The following DPP9 variants were observed in gnomAD, a reference collection of about 807,000 sequenced individuals.
The protein encoded by DPP9 is dipeptidyl peptidase 9, also known as dipeptidyl peptidase IV-related protein-2.
Under a neutral mutation model 110.7 loss-of-function variants are expected in DPP9, and 50 were observed. The observed-to-expected ratio is 0.45, with a 90% CI of 0.36 to 0.57. The LOEUF (loss-of-function observed/expected upper bound fraction) is 0.57. Ranked by LOEUF, DPP9 falls within the 20% of genes least tolerant of loss-of-function variation. The probability of loss-of-function intolerance (pLI) is 0.00; values close to 1 mark genes in which losing one functional copy is unlikely to be tolerated. For missense variants in DPP9, 1,022 were observed against 1,217.9 expected (o/e 0.84, Z 2.39); for synonymous variants, 561 against 514.4 (o/e 1.09, Z -1.23).
At chr19:4,720,054 C>T (rs1175144519) in intron 2 of DPP9, 113 bp from the exon 3 acceptor site, 29 of 878,074 alleles carry the variant, frequency 3.3e-5, no homozygotes, top group South Asian at 2.5e-4. Context: ...CCCAAGCCTC[C>T]GGGGAGCACC....
At position 4,688,852 on chromosome 19, in the gene DPP9, G is replaced by C. The variant is rs747775957; in HGVS notation, c.1790C>G (p.Thr597Arg). 6.6e-7 allele frequency: 1 copy of C among 1,516,870 alleles called. No individual in the cohort carries two copies. The highest frequency in any genetic ancestry group is 8.7e-7 in the Non-Finnish European group (1 of 1,146,300). 94.0% of individuals were successfully genotyped at this position (1,516,870 alleles called of 1,614,324 possible). A position where few individuals can be genotyped will look rare whatever the true frequency, so the allele number is the denominator to read the frequency against. Reference sequence around the variant, plus strand: ...CTTGTAGACGTGCACGCAGGGCGGCGTGCTCACGCTGCTGTAGTGGCTGAC... The same window carrying C: ...CTTGTAGACGTGCACGCAGGGCGGCCTGCTCACGCTGCTGTAGTGGCTGAC... ...MFVSHYSSVS[T>R]PPCVHVYKLS... The change falls in exon 16 of 22, where the codon ACG (threonine) becomes AGG (arginine). Residue 597 changes from threonine (T) to arginine (R), a missense_variant. By Grantham distance (71) the Thr-to-Arg change is moderately conservative. Coordinates refer to ENST00000262960, the MANE Select transcript of DPP9 (RefSeq NM_139159.5).
At chr19:4,716,936 G>A (rs569317578) in intron 3 of DPP9, among the ~76,000 whole-genome samples, 2 of 152,262 alleles carry the variant, frequency 1.3e-5, no homozygotes, top group African/African-American at 4.8e-5. Flanking sequence ...CCCGTGTCCT[G>A]TGGGAAGGTC....
chr19:4,689,790 C>A lies in DPP9; in HGVS notation c.1597-68G>T. On this transcript the variant is annotated intron_variant, in intron 14 of 21. Coordinates refer to ENST00000262960, the MANE Select transcript of DPP9 (RefSeq NM_139159.5). This position sits in a 1 kb window ranked among gnomAD's most constrained non-coding sequence, Gnocchi z 7.0. ...CCTGGGCCCACACCCCTCTCCACGC[C>A]CCACAGGAGTGGGCCCCATGTTCCT... 6.8e-7 allele frequency: 1 copy of A among 1,460,776 alleles called. No individual in the cohort carries two copies. The highest frequency in any genetic ancestry group is 9.1e-7 in the Non-Finnish European group (1 of 1,093,044). The allele number at this position is 1,460,776 out of a possible 1,614,324, so 90.5% of individuals were successfully genotyped here. A position where few individuals can be genotyped will look rare whatever the true frequency, so the allele number is the denominator to read the frequency against.
intron 14 of DPP9, 68 bp downstream of exon 14, chr19:4,690,810 T>C (rs2091251833): frequency 8.3e-7 from 1 of 1,208,624 alleles, no homozygotes; most frequent in Non-Finnish European, 1.2e-6. Flanking sequence ...CGTGCGTGTG[T>C]GTGTGAGTGT....
chr19:4,683,614 C>G lies in DPP9; in HGVS notation c.2194G>C (p.Glu732Gln). The change falls in exon 19 of 22, where the codon GAG becomes CAG. Residue 732 changes from glutamate (E) to glutamine (Q), a missense_variant. Glu to Gln is a conservative substitution (Grantham distance 29, BLOSUM62 2). Transcript: ENST00000262960. ...LKNQMGQVEIEDQVEGLQFVA... is the reference protein window; with the variant it reads ...LKNQMGQVEIQDQVEGLQFVA... Reference sequence around the variant, plus strand: ...AACTGCAGGCCCTCCACCTGGTCCTCGATCTCCACCTGGCCCTGAGGGATG... The same window carrying G: ...AACTGCAGGCCCTCCACCTGGTCCTGGATCTCCACCTGGCCCTGAGGGATG... 6.2e-7 allele frequency: 1 copy of G among 1,611,674 alleles called. No individual in the cohort carries two copies. Among genetic ancestry groups the G allele is most frequent in the Non-Finnish European group, 8.5e-7 (1 of 1,179,178 alleles).
intron 13 of DPP9, among the ~76,000 whole-genome samples, chr19:4,692,365 C>A (rs1011416474): frequency 6.6e-6 from 1 of 152,100 alleles, no homozygotes; most frequent in African/African-American, 2.4e-5. Flanking sequence ...GTCAGGAGCA[C>A]GGGAGGGCAG....
intron 14 of DPP9, among the ~76,000 whole-genome samples, chr19:4,690,369 T>A (rs1435413748): frequency 6.6e-6 from 1 of 152,224 alleles, no homozygotes; most frequent in Non-Finnish European, 1.5e-5. Context: ...ATTGCCCCTG[T>A]GCCCAGGGCC....
chr19:4,712,357 T>G (rs1446112840), intron 4 of DPP9, among the ~76,000 whole-genome samples: 1 of 152,094 alleles, frequency 6.6e-6, no homozygotes, highest in Non-Finnish European at 1.5e-5. Context: ...AAGACCAGCT[T>G]GGGCAACACG....
At chr19:4,707,745 C>T (rs2092657309) in intron 4 of DPP9, among the ~76,000 whole-genome samples, 1 of 151,682 alleles carries the variant, frequency 6.6e-6, no homozygotes, top group South Asian at 2.1e-4. Context: ...CCTGCCTCAG[C>T]CTCCAGAGTA....
chr19:4,700,089 G>T lies in DPP9; in HGVS notation c.1074+127C>A. 1 of 641,960 alleles carries T rather than the reference G, an allele frequency of 1.6e-6. No individual in the cohort carries two copies. The highest frequency in any genetic ancestry group is 2.4e-6 in the Non-Finnish European group (1 of 413,092). The allele number at this position is 641,960 out of a possible 1,614,324, so 39.8% of individuals were successfully genotyped here. Reference sequence around the variant, plus strand: ...AGGCCTGTGGCTAGGCGGACCGGGCGGCAGGGCTGGGGCCTGGGGAGTGCC... The same window carrying T: ...AGGCCTGTGGCTAGGCGGACCGGGCTGCAGGGCTGGGGCCTGGGGAGTGCC... On this transcript the variant is annotated intron_variant, in intron 10 of 21. Coordinates refer to ENST00000262960, the MANE Select transcript of DPP9 (RefSeq NM_139159.5). This position sits in a 1 kb window ranked among gnomAD's most constrained non-coding sequence, Gnocchi z 4.3.
At position 4,698,194 on chromosome 19, in the gene DPP9, C is replaced by G. The variant is rs865961967; in HGVS notation, c.1075-543G>C. 1.3e-5 allele frequency among the ~76,000 whole-genome samples: 2 copies of G among 152,188 alleles called. No homozygotes were observed. The highest frequency in any genetic ancestry group is 4.8e-5 in the African/African-American group (2 of 41,450). On this transcript the variant is annotated intron_variant, in intron 10 of 21. Coordinates refer to ENST00000262960, the MANE Select transcript of DPP9 (RefSeq NM_139159.5). This position sits in a 1 kb window ranked among gnomAD's most constrained non-coding sequence, Gnocchi z 4.2. ...GGTGGCTCTGGGCAAGCACAGTCCC[C>G]GGACCCAGGGCTTCCCCATGCTTAA... is the stretch of plus-strand genomic sequence containing the variant.
intron 16 of DPP9, chr19:4,688,537 C>G: frequency 1.9e-6 from 1 of 533,020 alleles, no homozygotes; most frequent in Non-Finnish European, 3.0e-6. Flanking sequence ...CTGTGCAGTC[C>G]GGCCCTTTAC....
At position 4,704,544 on chromosome 19, in the gene DPP9, G is replaced by A. The variant is rs2092476461; in HGVS notation, c.427-240C>T. 6.6e-6 allele frequency among the ~76,000 whole-genome samples: 1 copy of A among 152,156 alleles called. No individual in the cohort carries two copies. Among genetic ancestry groups the A allele is most frequent in the Non-Finnish European group, 1.5e-5 (1 of 67,998 alleles). ...GAGTGTCCTAGGAGGTGGCAGGGGA[G>A]ACTCTGGGGCCAGAAGCCTCCTCAC... On this transcript the variant is annotated intron_variant, in intron 5 of 21. Transcript: ENST00000262960. The surrounding 1 kb of genome is among the most constrained non-coding windows in gnomAD (Gnocchi z 6.0).
At chr19:4,722,391 G>A (rs777557736) in intron 2 of DPP9, 108 bp downstream of exon 2, 4 of 641,990 alleles carry the variant, frequency 6.2e-6, no homozygotes, top group South Asian at 1.7e-5. Flanking sequence ...AACCATCCAG[G>A]GCCATAGAAA....
At chr19:4,690,822 T>C (rs1486589795) in intron 14 of DPP9, 56 bp downstream of exon 14, 1 of 1,358,812 alleles carries the variant, frequency 7.4e-7, no homozygotes, top group Non-Finnish European at 1.0e-6. Context: ...TGTGAGTGTA[T>C]GTGTGTAAAA....
At chr19:4,679,539 G>A (rs1297889563) in intron 21 of DPP9, 1 of 414,076 alleles carries the variant, frequency 2.4e-6, no homozygotes, top group Non-Finnish European at 4.4e-6. Context: ...GGGCAATTTC[G>A]GTAAGGGTTC....
At chr19:4,715,167 C>T (rs1244572602) in intron 3 of DPP9, among the ~76,000 whole-genome samples, 2 of 151,592 alleles carry the variant, frequency 1.3e-5, no homozygotes, top group African/African-American at 4.8e-5. Context: ...TTACAGGTGC[C>T]TGCCACCATG....
chr19:4,694,587 C>G lies in DPP9; in HGVS notation c.1516+74G>C, dbSNP rs1329466100. ...GTGCTGGCTGAGTGGGGGGGCCGAC[C>G]AATGAACAAACAGCATATTGAACCA... is the stretch of plus-strand genomic sequence containing the variant. On this transcript the variant is annotated intron_variant, in intron 13 of 21. Transcript: ENST00000262960. This position sits in a 1 kb window ranked among gnomAD's most constrained non-coding sequence, Gnocchi z 4.0. The G allele has an allele frequency of 1.3e-6, 2 of 1,534,092 alleles. No individual in the cohort carries two copies. Among genetic ancestry groups the G allele is most frequent in the Middle Eastern group, 1.7e-4 (1 of 5,920 alleles).
rs929531180 is a variant in DPP9, at chr19:4,684,181, G to A, written c.2178+482C>T. The A allele has an allele frequency of 3.7e-6, 1 of 273,148 alleles. No individual in the cohort carries two copies. Among genetic ancestry groups the A allele is most frequent in the Non-Finnish European group, 7.2e-6 (1 of 138,140 alleles). The allele number at this position is 273,148 out of a possible 1,614,324, so 16.9% of individuals were successfully genotyped here. On this transcript the variant is annotated intron_variant, in intron 18 of 21. Transcript: ENST00000262960. This position sits in a 1 kb window ranked among gnomAD's most constrained non-coding sequence, Gnocchi z 4.8. ...AAAGGGCCTGATGGAGGGAGGCCAC[G>A]GCTTTTCCGCTCCTTGCAACCCCTC...
Sources: gnomAD v4.1 joint callset for allele counts (sites outside exome capture counted in the v4.1 genomes callset) on GRCh38, gnomAD v4.1.1 for gene constraint, Gnocchi (gnomAD v3.1) non-coding constraint, MANE v1.5 for transcripts, NCBI Gene and HGNC (gene_info 2026-07-23, HGNC 2026-07-21) for gene names.